The following RFC3 variants were observed in gnomAD, a reference collection of about 807,000 sequenced individuals.
The protein encoded by RFC3 is replication factor C subunit 3.
In RFC3, 41 loss-of-function variants were observed where a neutral mutation model predicts 45.1. The ratio of observed to expected loss-of-function variants is 0.91; its 90% CI spans 0.71 to 1.18. The LOEUF is 1.18. RFC3 is among the 50% of genes most tolerant of loss of function. The pLI is 0.00. For synonymous variants in RFC3, 149 were observed against 144.0 expected, an observed-to-expected ratio of 1.03 and a Z score of -0.25; for missense variants, 423 against 428.1, an observed-to-expected ratio of 0.99 and a Z score of 0.10.
chr13:33,952,193 T>A (rs1032233436), intron 8 of RFC3, among the ~76,000 whole-genome samples: 9 of 152,258 alleles, frequency 5.9e-5, no homozygotes, highest in African/African-American at 2.2e-4. Flanking sequence ...CTTGAACACG[T>A]AAGTGCACAA....
At chr13:33,937,105 TA>T in intron 8 of RFC3, among the ~76,000 whole-genome samples, 1 of 152,262 alleles carries the variant, frequency 6.6e-6, no homozygotes, top group South Asian at 2.1e-4. Flanking sequence ...ATGTACCATG[TA>T]ATGTTTCAGA....
intron 8 of RFC3, among the ~76,000 whole-genome samples, chr13:33,903,520 C>T (rs1317328803): frequency 1.3e-5 from 2 of 151,990 alleles, no homozygotes; most frequent in South Asian, 4.2e-4. Context: ...GTGTTTCATA[C>T]CTAGCTCATG....
rs545896603 is a variant in RFC3, at chr13:33,830,133, A to G, written c.573+116A>G. On this transcript the variant is annotated intron_variant, in intron 5 of 8. Coordinates refer to ENST00000380071, the MANE Select transcript of RFC3 (RefSeq NM_002915.4). Reference sequence around the variant, plus strand: ...AATTTAAGAACACCTACAGACCTGGATGCAAAGCATTAATATGTGAACAAA... The same window carrying G: ...AATTTAAGAACACCTACAGACCTGGGTGCAAAGCATTAATATGTGAACAAA... 204 of 843,922 alleles carry G rather than the reference A, an allele frequency of 2.4e-4. No individual in the cohort carries two copies. The African/African-American group carries it at 3.3e-3, about 14-fold the overall frequency. 52.3% of individuals were successfully genotyped at this position (843,922 alleles called of 1,614,324 possible).
chr13:33,925,374 A>G (rs1249936163), intron 8 of RFC3, among the ~76,000 whole-genome samples: 1 of 122,980 alleles, frequency 8.1e-6, no homozygotes, highest in Non-Finnish European at 1.6e-5. Flanking sequence ...ATATACATAC[A>G]TATAGTGTAC....
intron 8 of RFC3, among the ~76,000 whole-genome samples, chr13:33,851,331 A>T (rs2082275262): frequency 6.6e-6 from 1 of 152,170 alleles, no homozygotes; most frequent in South Asian, 2.1e-4. Context: ...ACAGTTGAAA[A>T]TCAACATAGA....
At chr13:33,878,107 A>C (rs914824244) in intron 8 of RFC3, among the ~76,000 whole-genome samples, 1 of 152,126 alleles carries the variant, frequency 6.6e-6, no homozygotes, top group African/African-American at 2.4e-5. Context: ...CCAAAAATAT[A>C]TAAGATGCTC....
chr13:33,884,692 G>A (rs560127046), intron 8 of RFC3, among the ~76,000 whole-genome samples: 34 of 152,194 alleles, frequency 2.2e-4, no homozygotes, highest in Non-Finnish European at 4.7e-4. Flanking sequence ...CTTGAGCACA[G>A]AGTCCATCTC....
At chr13:33,864,824 G>T (rs571927946) in intron 8 of RFC3, among the ~76,000 whole-genome samples, 1 of 152,248 alleles carries the variant, frequency 6.6e-6, no homozygotes, top group South Asian at 2.1e-4. Flanking sequence ...ATTTGGAGGG[G>T]ACAACTCAAA....
chr13:33,865,124 A>G (rs2082364989), intron 8 of RFC3, among the ~76,000 whole-genome samples: 1 of 152,242 alleles, frequency 6.6e-6, no homozygotes, highest in South Asian at 2.1e-4. Flanking sequence ...GGATTTCTAA[A>G]TAGGAGTGTT....
intron 8 of RFC3, among the ~76,000 whole-genome samples, chr13:33,945,148 A>G (rs760933007): frequency 6.6e-6 from 1 of 152,080 alleles, no homozygotes; most frequent in Non-Finnish European, 1.5e-5. Flanking sequence ...GCTCATCTCT[A>G]TGGCCTTTGC....
intron 8 of RFC3, among the ~76,000 whole-genome samples, chr13:33,928,743 C>T (rs750689580): frequency 1.3e-5 from 2 of 152,048 alleles, no homozygotes; most frequent in African/African-American, 4.8e-5. Context: ...TAAACCTGTA[C>T]AGTGTTGATC....
chr13:33,824,755 A>G (rs2082034049), intron 3 of RFC3, among the ~76,000 whole-genome samples: 2 of 152,162 alleles, frequency 1.3e-5, no homozygotes, highest in Non-Finnish European at 2.9e-5. Context: ...ACTTTGTGAG[A>G]AGCTTTACCT....
At chr13:33,907,942 CT>C (rs897887261) in intron 8 of RFC3, among the ~76,000 whole-genome samples, 4 of 150,972 alleles carry the variant, frequency 2.6e-5, no homozygotes, top group Admixed American at 2.0e-4. Flanking sequence ...AAAATTCTTT[CT>C]TTTTTTTTCA....
downstream of RFC3, among the ~76,000 whole-genome samples, chr13:33,839,908 T>C (rs1349530751): frequency 6.6e-6 from 1 of 152,232 alleles, no homozygotes; most frequent in Non-Finnish European, 1.5e-5. Flanking sequence ...GATTAAATAC[T>C]GTAGTTTGAC....
At chr13:33,838,387 G>A (rs1283604562), downstream of RFC3, among the ~76,000 whole-genome samples, 2 of 151,916 alleles carry the variant, frequency 1.3e-5, no homozygotes, top group Non-Finnish European at 2.9e-5. Context: ...CTCAGTTTTT[G>A]TTTCTCTGGA....
At chr13:33,881,785 C>T (rs1353265697) in intron 8 of RFC3, among the ~76,000 whole-genome samples, 1 of 152,124 alleles carries the variant, frequency 6.6e-6, no homozygotes, top group Non-Finnish European at 1.5e-5. Flanking sequence ...TACTTTCTTT[C>T]CTTGCTTTTG....
rs116469929 is a variant in RFC3 at position 33,928,465 on chromosome 13, C to T, written c.880-37622C>T. On this transcript the variant is annotated intron_variant, in intron 8 of 8. Coordinates refer to the RFC3 transcript ENST00000434425. ...GTCAGAGGCTTAGAGAGAGTTCACT[C>T]GGAGGAAATACCATGCTCTGAGCTT... 5.9e-3 allele frequency among the ~76,000 whole-genome samples: 898 copies of T among 152,154 alleles called. 12 individuals are homozygous for T. Among genetic ancestry groups the T allele is most frequent in the African/African-American group, 0.02 (844 of 41,512 alleles).
the RFC3 span, among the ~76,000 whole-genome samples, chr13:33,971,746 A>G: frequency 1.3e-5 from 2 of 152,218 alleles, no homozygotes; most frequent in African/African-American, 4.8e-5. Context: ...ATATTTTGCA[A>G]TTATAAGTCA....
chr13:33,878,291 C>T (rs76769495), intron 8 of RFC3, among the ~76,000 whole-genome samples: 16 of 152,080 alleles, frequency 1.1e-4, no homozygotes, highest in Non-Finnish European at 1.5e-4. Flanking sequence ...GGTTATACAT[C>T]GTTTTCACTG....
Sources: gnomAD v4.1 joint callset for allele counts (sites outside exome capture counted in the v4.1 genomes callset) on GRCh38, gnomAD v4.1.1 for gene constraint, MANE v1.5 for transcripts, NCBI Gene and HGNC (gene_info 2026-07-23, HGNC 2026-07-21) for gene names.